Variants in PHKA1 observed in about 807,000 individuals in gnomAD.
PHKA1 encodes phosphorylase b kinase regulatory subunit alpha, skeletal muscle isoform.
In PHKA1, 60 loss-of-function variants were observed where a neutral mutation model predicts 110.2. That is an observed-to-expected ratio of 0.54 (90% confidence interval 0.44 to 0.68). PHKA1 has a LOEUF of 0.68. PHKA1 is among the 30% of genes least tolerant of loss of function. The pLI is 0.00. For missense variants in PHKA1, 801 were observed against 942.5 expected (o/e 0.85, Z 1.97); for synonymous variants, 316 against 333.6 (o/e 0.95, Z 0.58).
chrX:72,684,129 A>T (rs1454821538), intron 5 of PHKA1, among the ~76,000 whole-genome samples: 1 of 112,488 alleles, frequency 8.9e-6, no homozygotes, highest in Admixed American at 9.4e-5. Flanking sequence ...TATTACAAAC[A>T]TGACTAAATT....
chrX:72,582,460 C>T lies in PHKA1; in HGVS notation c.3436G>A (p.Gly1146Arg), dbSNP rs782068991. 1.9e-5 allele frequency: 23 copies of T among 1,205,519 alleles called. No individual in the cohort carries two copies. In the Admixed American group the frequency reaches 2.6e-4, roughly 14 times the overall value. The change falls in exon 31 of 32, where the codon GGA (glycine) becomes AGA (arginine). Residue 1146 changes from glycine to arginine, a missense_variant. By Grantham distance (125) the Gly-to-Arg change is moderately radical. Transcript: ENST00000373542. ...ATTTTTTCCACAGCAATGATGCTTC[C>T]GATGCTATGAATTTCAATATCTGCC... is the stretch of plus-strand genomic sequence containing the variant. ...MLADIEIHSI[G>R]SIIAVEKIVH...
chrX:72,643,948 A>T (rs2053328168), intron 14 of PHKA1, among the ~76,000 whole-genome samples: 1 of 112,063 alleles, frequency 8.9e-6, no homozygotes, highest in South Asian at 3.7e-4. Context: ...AAAAATAAGT[A>T]TTATATTAAG....
At chrX:72,640,939 C>T (rs1186917580) in intron 14 of PHKA1, among the ~76,000 whole-genome samples, 1 of 110,760 alleles carries the variant, frequency 9.0e-6, no homozygotes, top group Non-Finnish European at 1.9e-5. Context: ...AAAAGCTTAC[C>T]ATAAAATATA....
chrX:72,620,986 T>C, intron 18 of PHKA1, 85 bp from the exon 19 acceptor site: 2 of 1,010,035 alleles, frequency 2.0e-6, no homozygotes, highest in South Asian at 2.1e-5. Context: ...AAGAGAATGA[T>C]TGGCTCCTGT....
chrX:72,682,298 GC>G (rs1229869833), intron 5 of PHKA1, among the ~76,000 whole-genome samples: 2 of 96,873 alleles, frequency 2.1e-5, no homozygotes, highest in African/African-American at 7.6e-5. Context: ...GGGGGGGTCA[GC>G]CCCCCTGCCC....
intron 12 of PHKA1, among the ~76,000 whole-genome samples, chrX:72,651,738 G>A (rs1303169902): frequency 9.0e-6 from 1 of 111,083 alleles, no homozygotes; most frequent in Non-Finnish European, 1.9e-5. Context: ...AAACAGCCAT[G>A]GCCACAGCCA....
intron 16 of PHKA1, among the ~76,000 whole-genome samples, chrX:72,627,963 G>A (rs1437326863): frequency 9.2e-6 from 1 of 108,473 alleles, no homozygotes; most frequent in African/African-American, 3.4e-5. Flanking sequence ...GACTACAGGC[G>A]CCCGCCACCA....
At chrX:72,703,429 G>A in intron 3 of PHKA1, among the ~76,000 whole-genome samples, 1 of 111,891 alleles carries the variant, frequency 8.9e-6, no homozygotes, top group Admixed American at 9.5e-5. Context: ...CTATAATCCT[G>A]GCATTTTAGG....
Position 72,653,506 on chromosome X carries a change from C to T in PHKA1, c.1066G>A (p.Glu356Lys), listed in dbSNP as rs1406888540. ...EQVQEYKEAL[E>K]AVLIKGKNGV... ...TTTTTGCCCTTGATGAGGACTGCTT[C>T]AAGAGCCTCTTTATATTCTTGAACC... The change falls in exon 11 of 32, where the codon GAA (glutamate) becomes AAA (lysine). Residue 356 changes from glutamate to lysine, a missense_variant. By Grantham distance (56) the Glu-to-Lys change is moderately conservative. Coordinates refer to ENST00000373542, the MANE Select transcript of PHKA1 (RefSeq NM_002637.4). The T allele has an allele frequency of 8.4e-7, 1 of 1,196,482 alleles. No individual in the cohort carries two copies. Among genetic ancestry groups the T allele is most frequent in the African/African-American group, 1.8e-5 (1 of 56,657 alleles).
chrX:72,621,874 A>T, intron 18 of PHKA1: 1 of 753,506 alleles, frequency 1.3e-6, no homozygotes, highest in Non-Finnish European at 1.6e-6. Flanking sequence ...CTGATGAGTA[A>T]ACCCGGAACT....
chrX:72,621,880 G>C (rs1220867607), intron 18 of PHKA1: 1 of 751,353 alleles, frequency 1.3e-6, no homozygotes, highest in Non-Finnish European at 1.6e-6. Flanking sequence ...AGTAAACCCG[G>C]AACTAGGAAA....
In PHKA1 at chrX:72,584,297, G is replaced by A. The variant is rs2052382666; in HGVS notation, c.3249C>T (p.His1083=). The change falls in exon 30 of 32, where the codon CAC becomes CAT. Residue 1083 remains histidine (H), a synonymous_variant. Transcript: ENST00000373542. ...QKVWKVLQKC[H]GLSVEGFVLP... is the part of the protein sequence containing the mutation. The stretch of plus-strand genomic sequence containing the variant: ...GGACAAACCCTTCAACAGAAAGTCC[G>A]TGACACTGCAAAACAGAAAAAAAAC... The A allele has an allele frequency of 3.3e-6, 4 of 1,206,125 alleles. No individual in the cohort carries two copies. Among genetic ancestry groups the A allele is most frequent in the African/African-American group, 3.5e-5 (2 of 57,651 alleles).
chrX:72,657,782 T>C (rs1221389988), intron 8 of PHKA1, 141 bp from the exon 9 acceptor site: 3 of 449,859 alleles, frequency 6.7e-6, no homozygotes, highest in Non-Finnish European at 1.2e-5. Context: ...AAAAAACCTA[T>C]AATAATATAA....
At chrX:72,681,337 C>G (rs1282542803) in intron 5 of PHKA1, among the ~76,000 whole-genome samples, 6 of 110,041 alleles carry the variant, frequency 5.5e-5, no homozygotes, top group Admixed American at 2.8e-4. Flanking sequence ...GGCAGCTGCC[C>G]CGTCTGAGAA....
chrX:72,603,265 G>T, intron 25 of PHKA1, 45 bp from the exon 26 acceptor site: 1 of 775,239 alleles, frequency 1.3e-6, no homozygotes, highest in Non-Finnish European at 2.0e-6. Flanking sequence ...TAATTTGCCT[G>T]CCATGCCCTC....
At chrX:72,619,468 T>G (rs2052946128) in intron 19 of PHKA1, among the ~76,000 whole-genome samples, 163 bp from the exon 20 acceptor site, 1 of 112,050 alleles carries the variant, frequency 8.9e-6, no homozygotes, top group East Asian at 2.8e-4. Flanking sequence ...AATATGAATA[T>G]AAGATAATTT....
At chrX:72,645,978 T>A (rs2053354977) in intron 13 of PHKA1, among the ~76,000 whole-genome samples, 1 of 111,822 alleles carries the variant, frequency 8.9e-6, no homozygotes. Flanking sequence ...AGGAAGGATA[T>A]AGCCCTTCTA....
chrX:72,664,042 A>G (rs1278675842), intron 8 of PHKA1, among the ~76,000 whole-genome samples: 1 of 111,528 alleles, frequency 9.0e-6, no homozygotes, highest in Non-Finnish European at 1.9e-5. Flanking sequence ...AGGATATACA[A>G]AACAACCAGA....
At chrX:72,706,307 A>G (rs2054282681) in intron 2 of PHKA1, among the ~76,000 whole-genome samples, 1 of 111,961 alleles carries the variant, frequency 8.9e-6, no homozygotes. Context: ...TTAAAAAGAG[A>G]GAAAGAATAG....
Sources: allele counts gnomAD v4.1 joint callset (sites outside exome capture counted in the v4.1 genomes callset), GRCh38; gene constraint gnomAD v4.1.1; transcripts MANE v1.5; gene names NCBI Gene and HGNC (gene_info 2026-07-23, HGNC 2026-07-21).